The following VPS13B variants were observed in gnomAD, a reference collection of about 807,000 sequenced individuals.
VPS13B encodes the protein intermembrane lipid transfer protein VPS13B.
In VPS13B, 285 loss-of-function variants were observed where a neutral mutation model predicts 426.4. The observed-to-expected ratio is 0.67, with a 90% CI of 0.61 to 0.74. The LOEUF (loss-of-function observed/expected upper bound fraction) is 0.74. Ranked by LOEUF, VPS13B falls within the 30% of genes least tolerant of loss-of-function variation. The pLI is 0.00. For missense variants in VPS13B, 4,537 were observed against 4,782.6 expected (o/e 0.95, Z 1.51); for synonymous variants, 1,676 against 1,676.4 (o/e 1.00, Z 0.01).
intron 36 of VPS13B, among the ~76,000 whole-genome samples, chr8:99,704,470 A>G (rs963845709): frequency 6.6e-6 from 1 of 152,184 alleles, no homozygotes; most frequent in African/African-American, 2.4e-5. Flanking sequence ...AAGGGGAAAT[A>G]AAATAGTAAA....
chr8:99,114,200 T>G lies in VPS13B; in HGVS notation c.763-1500T>G, dbSNP rs141064865. On this transcript the variant is annotated intron_variant, in intron 6 of 61. Coordinates refer to ENST00000357162, the MANE Select transcript of VPS13B (RefSeq NM_152564.5). ...TATTGCCAGATTGTTTCCAGAAAGA[T>G]TTAACCAGGTTATACTCACATGAAC... Among the ~76,000 whole-genome samples, 1,421 of 151,860 alleles carry G rather than the reference T, an allele frequency of 9.4e-3. 8 individuals carry two copies. Among genetic ancestry groups the G allele is most frequent in the Non-Finnish European group, 0.015 (1,005 of 67,954 alleles).
intron 35 of VPS13B, among the ~76,000 whole-genome samples, chr8:99,695,398 G>C (rs1049841822): frequency 6.6e-6 from 1 of 150,914 alleles, no homozygotes; most frequent in Non-Finnish European, 1.5e-5. Flanking sequence ...GTCCTTTGTA[G>C]GGACATGGAT....
chr8:99,339,387 GAGAA>G lies in VPS13B; in HGVS notation c.2825-44817_2825-44814del, dbSNP rs762691529. On this transcript the variant is annotated intron_variant, in intron 19 of 61. Transcript: ENST00000357162. The stretch of plus-strand genomic sequence containing the variant: ...GTGGGGGAAGGTGGAGGTGGAGTAG[GAGAA>G]AGAGAGAATGGAGGGGGAGTGCTAC... Among the ~76,000 whole-genome samples, 5 of 152,024 alleles carry G rather than the reference GAGAA, an allele frequency of 3.3e-5. No homozygotes were observed. In the East Asian group the frequency reaches 9.7e-4, roughly 29 times the overall value.
chr8:99,048,130 A>G (rs1334612438), intron 3 of VPS13B, among the ~76,000 whole-genome samples: 2 of 152,194 alleles, frequency 1.3e-5, no homozygotes, highest in Non-Finnish European at 2.9e-5. Flanking sequence ...GAAACAGTTT[A>G]CTTAATTTGC....
chr8:99,413,138 A>T (rs528653538), intron 21 of VPS13B, among the ~76,000 whole-genome samples: 1 of 152,140 alleles, frequency 6.6e-6, no homozygotes, highest in Non-Finnish European at 1.5e-5. Flanking sequence ...GAATAGTACC[A>T]GCTCCTCTTT....
At chr8:99,835,492 T>C in intron 53 of VPS13B, 47 bp from the exon 54 acceptor site, 1 of 1,588,256 alleles carries the variant, frequency 6.3e-7, no homozygotes, top group Non-Finnish European at 8.6e-7. Flanking sequence ...CCCCCAAGTC[T>C]CTGTCTTTAA....
chr8:99,693,910 A>T (rs1831815713), intron 35 of VPS13B, among the ~76,000 whole-genome samples: 1 of 133,982 alleles, frequency 7.5e-6, no homozygotes, highest in South Asian at 2.6e-4. Context: ...CAACAGACAA[A>T]CAGAGAGCCA....
At chr8:99,323,168 T>A (rs2133132900) in intron 19 of VPS13B, among the ~76,000 whole-genome samples, 1 of 152,320 alleles carries the variant, frequency 6.6e-6, no homozygotes, top group Admixed American at 6.5e-5. Flanking sequence ...TGTTCACTGA[T>A]GTATACACAA....
chr8:99,043,424 C>T (rs892903125), intron 3 of VPS13B, among the ~76,000 whole-genome samples: 1 of 152,010 alleles, frequency 6.6e-6, no homozygotes, highest in Non-Finnish European at 1.5e-5. Context: ...GAGGTATCAC[C>T]TCTCTCTTAG....
At chr8:99,063,052 T>G (rs1415930660) in intron 3 of VPS13B, among the ~76,000 whole-genome samples, 1 of 152,176 alleles carries the variant, frequency 6.6e-6, no homozygotes, top group Non-Finnish European at 1.5e-5. Flanking sequence ...ATAGCAATAG[T>G]GAAATGAATT....
chr8:99,853,645 G>A lies in VPS13B; in HGVS notation c.10256G>A (p.Cys3419Tyr). 2 of 1,614,188 alleles carry A rather than the reference G, an allele frequency of 1.2e-6. No individual in the cohort carries two copies. Among genetic ancestry groups the A allele is most frequent in the Non-Finnish European group, 8.5e-7 (1 of 1,180,028 alleles). ...GTGGCTGCGTTGTTTGAACTTTACT[G>A]TGTGGAGATCTGCTGTGGGGACCTG... ...EPVAALFELYCVEICCGDLQL... is the reference protein window; with the variant it reads ...EPVAALFELYYVEICCGDLQL... The change falls in exon 56 of 62, where the codon TGT becomes TAT. Residue 3419 changes from cysteine to tyrosine, a missense_variant. This residue lies in a region of VPS13B where 4,311 missense variants were observed against 4,474.3 expected (regional missense o/e 0.96). Transcript: ENST00000357162.
intron 19 of VPS13B, among the ~76,000 whole-genome samples, chr8:99,279,087 G>A (rs1388974786): frequency 6.6e-6 from 1 of 152,042 alleles, no homozygotes; most frequent in Non-Finnish European, 1.5e-5. Context: ...TTTAAAAATA[G>A]GTTCTGCAGG....
chr8:99,248,911 A>G (rs915022198), intron 17 of VPS13B, among the ~76,000 whole-genome samples: 8 of 152,078 alleles, frequency 5.3e-5, no homozygotes, highest in African/African-American at 1.9e-4. Flanking sequence ...CATACAATCA[A>G]CTATTTTAGA....
At position 99,875,845 on chromosome 8, in the gene VPS13B, C is replaced by T; in HGVS notation, c.*179C>T. 1.3e-6 allele frequency: 1 copy of T among 768,880 alleles called. No homozygotes were observed. Among genetic ancestry groups the T allele is most frequent in the Non-Finnish European group, 2.1e-6 (1 of 481,976 alleles). The allele number at this position is 768,880 out of a possible 1,614,324, so 47.6% of individuals were successfully genotyped here. ...GCCACCATAAAGGGCTGCATTTTGC[C>T]ACCATAAAGGGCTGCATTTTTTTAA... is the stretch of plus-strand genomic sequence containing the variant. On this transcript the variant is annotated 3_prime_UTR_variant, in exon 62 of 62. Coordinates refer to ENST00000357162, the MANE Select transcript of VPS13B (RefSeq NM_152564.5).
intron 19 of VPS13B, among the ~76,000 whole-genome samples, chr8:99,338,261 T>C (rs967244838): frequency 3.9e-5 from 6 of 152,164 alleles, no homozygotes; most frequent in African/African-American, 1.2e-4. Flanking sequence ...TGGGATTTCA[T>C]TGAATTTGTA....
intron 33 of VPS13B, among the ~76,000 whole-genome samples, chr8:99,579,355 G>T (rs1825932846): frequency 1.3e-5 from 2 of 152,132 alleles, no homozygotes; most frequent in South Asian, 4.1e-4. Context: ...GAAAGGGCTA[G>T]TTGATTGCCT....
chr8:99,491,902 A>G lies in VPS13B; in HGVS notation c.3871-9785A>G, dbSNP rs557003652. ...GTCATTCTCCATCCAGTTTTGTTCC[A>G]TTGCTGGCGAGGACCTGCAATTCTT... is the stretch of plus-strand genomic sequence containing the variant. On this transcript the variant is annotated intron_variant, in intron 25 of 61. Coordinates refer to ENST00000357162, the MANE Select transcript of VPS13B (RefSeq NM_152564.5). Among the ~76,000 whole-genome samples the G allele has an allele frequency of 3.3e-5, 5 of 152,170 alleles. No individual in the cohort carries two copies. In the East Asian group the frequency reaches 7.7e-4, roughly 24 times the overall value.
intron 17 of VPS13B, among the ~76,000 whole-genome samples, chr8:99,210,413 A>G (rs1010753146): frequency 6.6e-6 from 1 of 152,000 alleles, no homozygotes; most frequent in Non-Finnish European, 1.5e-5. Context: ...TATCCTCAGT[A>G]TCTTTCTATT....
At chr8:99,509,581 T>C (rs1455183783) in intron 28 of VPS13B, among the ~76,000 whole-genome samples, 1 of 152,200 alleles carries the variant, frequency 6.6e-6, no homozygotes, top group Admixed American at 6.5e-5. Context: ...ATGGAAGCAA[T>C]TGAAATGTAG....
Sources: allele counts gnomAD v4.1 joint callset (sites outside exome capture counted in the v4.1 genomes callset), GRCh38; gene constraint gnomAD v4.1.1; regional missense constraint gnomAD v4.1.1; transcripts MANE v1.5; gene names NCBI Gene and HGNC (gene_info 2026-07-23, HGNC 2026-07-21).